LRRC19: variants seen among roughly 807,000 people sequenced by gnomAD.
LRRC19 encodes the protein leucine rich repeat containing 19, also known as leucine-rich repeat-containing protein 19.
A neutral mutation model predicts 33.3 loss-of-function variants in LRRC19; 33 were observed. That is an observed-to-expected ratio of 0.99 (90% CI 0.75 to 1.33). LRRC19 has a LOEUF of 1.33. Among genes scored for constraint, LRRC19 ranks in the 40% most tolerant of loss-of-function variants. The pLI is 0.00. For synonymous variants in LRRC19, 184 were observed against 152.3 expected, an observed-to-expected ratio of 1.21 and a Z score of -1.53; for missense variants, 463 against 417.3, an observed-to-expected ratio of 1.11 and a Z score of -0.95.
In LRRC19 at chr9:26,996,313, GAATT is replaced by G. The variant is rs753605365; in HGVS notation, c.778_781del (p.Asn260GlnfsTer21). On this transcript the variant is annotated frameshift_variant, in exon 4 of 5. Transcript: ENST00000380055. LOFTEE classifies it high-confidence loss of function. Reference sequence around the variant, plus strand: ...AATATATAGAACCAGTATATTACCTGAATTTCTTGTTAAGTTGTTCGAAGAGCTA... The same window carrying G: ...AATATATAGAACCAGTATATTACCTGTCTTGTTAAGTTGTTCGAAGAGCTA... 3 of 1,572,278 alleles carry G rather than the reference GAATT, an allele frequency of 1.9e-6. No homozygotes were observed. The East Asian group carries it at 6.8e-5, about 36-fold the overall frequency.
intron 1 of LRRC19, 102 bp downstream of exon 1, chr9:27,005,490 C>T (rs1458255778): frequency 1.3e-5 from 2 of 151,248 alleles, no homozygotes; most frequent in African/African-American, 4.9e-5. Context: ...TCTTATTTTT[C>T]ATCACTTCTT....
intron 1 of LRRC19, 33 bp from the exon 2 acceptor site, chr9:26,999,736 A>ATTTTTATT (rs1563962496): frequency 7.9e-7 from 1 of 1,260,764 alleles, no homozygotes; most frequent in East Asian, 2.6e-5. Context: ...CATTAAGGAC[A>ATTTTTATT]TTTTTATTTT....
Position 26,995,569 on chromosome 9 carries a change from A to G in LRRC19, c.1065T>C (p.Phe355=), listed in dbSNP as rs1436904713. 6 of 1,599,946 alleles carry G rather than the reference A, an allele frequency of 3.8e-6. No homozygotes were observed. Among genetic ancestry groups the G allele is most frequent in the South Asian group, 1.1e-5 (1 of 90,434 alleles). Residue 355 remains phenylalanine (F), a synonymous_variant, in exon 5 of 5, where the codon TTT becomes TTC. Transcript: ENST00000380055. ...GGATATCTATATATTTGTCTTCAAT[A>G]AATCCATCATCATCTACCACAAATG... ...LHSFVVDDDG[F]IEDKYIDIHE... is the part of the protein sequence containing the mutation.
chr9:27,001,174 T>A (rs1828463993), intron 1 of LRRC19, among the ~76,000 whole-genome samples: 1 of 152,180 alleles, frequency 6.6e-6, no homozygotes. Flanking sequence ...CCATTGTATA[T>A]ATATGCTACT....
Position 26,999,599 on chromosome 9 carries a change from A to G in LRRC19, c.81+15T>C. 6.5e-7 allele frequency: 1 copy of G among 1,534,592 alleles called. No homozygotes were observed. The highest frequency in any genetic ancestry group is 2.3e-5 in the East Asian group (1 of 44,422). On this transcript the variant is annotated intron_variant, in intron 2 of 4. Coordinates refer to ENST00000380055, the MANE Select transcript of LRRC19 (RefSeq NM_022901.3). ...CTTTGAAAATATTTTTACTATTTTG[A>G]TTGTAAAAACTTACTCTTTTAGAAG...
intron 2 of LRRC19, 30 bp from the exon 3 acceptor site, chr9:26,998,271 A>T: frequency 7.9e-7 from 1 of 1,269,342 alleles, no homozygotes; most frequent in Non-Finnish European, 1.1e-6. Flanking sequence ...AAAGGCATTA[A>T]TCAGAAAAAA....
chr9:26,996,495 A>C lies in LRRC19; in HGVS notation c.600T>G (p.Asn200Lys), dbSNP rs755764638. 11 of 1,431,506 alleles carry C rather than the reference A, an allele frequency of 7.7e-6. No homozygotes were observed. Among genetic ancestry groups the C allele is most frequent in the Admixed American group, 4.7e-5 (2 of 42,374 alleles). 88.7% of individuals were successfully genotyped at this position (1,431,506 alleles called of 1,614,324 possible). Residue 200 changes from asparagine (N) to lysine (K), a missense_variant, in exon 4 of 5, where the codon AAT becomes AAG. Coordinates refer to ENST00000380055, the MANE Select transcript of LRRC19 (RefSeq NM_022901.3). ...WLNTSNVTLE[N>K]ENITMCSYPN... The stretch of plus-strand genomic sequence containing the variant: ...GGTAGCTACACATGGTGATGTTCTC[A>C]TTTTCTAGTAAATCAGAAAGAATAA...
At chr9:27,003,816 A>ATCACTTAT in intron 1 of LRRC19, among the ~76,000 whole-genome samples, 1 of 152,342 alleles carries the variant, frequency 6.6e-6, no homozygotes, top group South Asian at 2.1e-4. Flanking sequence ...CATTTAAACT[A>ATCACTTAT]TCACTTATTC....
chr9:26,998,178 C>T lies in LRRC19; in HGVS notation c.145G>A (p.Val49Ile), dbSNP rs947170394. The T allele has an allele frequency of 7.6e-6, 12 of 1,574,230 alleles. No homozygotes were observed. The Admixed American group carries it at 9.0e-5, about 12-fold the overall frequency. ...TTATAACTGAGATCAAGTATAGTAA[C>T]ATCTTTCTTGATATCTGCTGGAATC... is the stretch of plus-strand genomic sequence containing the variant. ...TLIPADIKKD[V>I]TILDLSYNQI... Residue 49 changes from valine to isoleucine, a missense_variant, in exon 3 of 5, where the codon GTT becomes ATT. By Grantham distance (29) the Val-to-Ile change is conservative. Transcript: ENST00000380055.
At chr9:26,996,227 T>C (rs1828148487) in intron 4 of LRRC19, 84 bp downstream of exon 4, 1 of 850,384 alleles carries the variant, frequency 1.2e-6, no homozygotes, top group Admixed American at 3.2e-5. Context: ...ACATTTTTTA[T>C]ACAAATTTAA....
intron 4 of LRRC19, 114 bp from the exon 5 acceptor site, chr9:26,995,963 T>C: frequency 1.3e-6 from 1 of 780,236 alleles, no homozygotes; most frequent in Non-Finnish European, 1.9e-6. Flanking sequence ...AAACATACAT[T>C]GTAGTTTTCT....
intron 2 of LRRC19, among the ~76,000 whole-genome samples, chr9:26,998,793 G>T (rs1298039596): frequency 6.6e-6 from 1 of 150,978 alleles, no homozygotes; most frequent in South Asian, 2.1e-4. Context: ...AGACCAGCCT[G>T]TCCAACACAG....
At chr9:27,005,352 T>G (rs796536833) in intron 1 of LRRC19, among the ~76,000 whole-genome samples, 1 of 18,950 alleles carries the variant, frequency 5.3e-5, no homozygotes. Flanking sequence ...TGAAACCATT[T>G]CCCCCCCCGC....
At chr9:26,999,526 G>A in intron 2 of LRRC19, 88 bp downstream of exon 2, 2 of 957,844 alleles carry the variant, frequency 2.1e-6, no homozygotes, top group Non-Finnish European at 1.5e-6. Flanking sequence ...GATTTTCTTT[G>A]CTTTCTTATT....
intron 2 of LRRC19, 150 bp from the exon 3 acceptor site, chr9:26,998,391 T>A: frequency 2.1e-6 from 1 of 480,174 alleles, no homozygotes; most frequent in Non-Finnish European, 3.6e-6. Context: ...GTAGAGCAAA[T>A]CTTTTTCTTT....
chr9:26,995,882 G>A, intron 4 of LRRC19, 33 bp from the exon 5 acceptor site: 1 of 1,495,664 alleles, frequency 6.7e-7, no homozygotes, highest in African/African-American at 1.4e-5. Flanking sequence ...GAGAGAGAAA[G>A]AAAATTTGTT....
Position 26,995,421 on chromosome 9 carries a change from A to G in LRRC19, c.*100T>C. ...TTCATGTATGTTGTCATTAATATGA[A>G]TGCCTGCCAGCTGTATTTTGTTATG... On this transcript the variant is annotated 3_prime_UTR_variant, in exon 5 of 5. Coordinates refer to ENST00000380055, the MANE Select transcript of LRRC19 (RefSeq NM_022901.3). The G allele has an allele frequency of 1.5e-6, 1 of 675,102 alleles. No individual in the cohort carries two copies. The highest frequency in any genetic ancestry group is 2.5e-6 in the Non-Finnish European group (1 of 399,346). The allele number at this position is 675,102 out of a possible 1,614,324, so 41.8% of individuals were successfully genotyped here. A position where few individuals can be genotyped will look rare whatever the true frequency, so the allele number is the denominator to read the frequency against.
At chr9:27,005,325 A>C (rs1828710093) in intron 1 of LRRC19, among the ~76,000 whole-genome samples, 1 of 143,670 alleles carries the variant, frequency 7.0e-6, no homozygotes, top group Admixed American at 7.3e-5. Context: ...AAATTCTTAT[A>C]AATTTGATTG....
rs1828003718 is a variant in LRRC19 at position 26,993,860 on chromosome 9, C to T, written c.*1661G>A. On this transcript the variant is annotated 3_prime_UTR_variant, in exon 5 of 5. Coordinates refer to ENST00000380055, the MANE Select transcript of LRRC19 (RefSeq NM_022901.3). ...AGAAAATACCAGAAATATTATTTCA[C>T]CCATCAATATATTTCATTATTTCAG... is the stretch of plus-strand genomic sequence containing the variant. 6.6e-6 allele frequency: 1 copy of T among 152,060 alleles called. No individual in the cohort carries two copies. The highest frequency in any genetic ancestry group is 1.5e-5 in the Non-Finnish European group (1 of 68,024). The allele number at this position is 152,060 out of a possible 1,614,324, so 9.4% of individuals were successfully genotyped here.
Sources: gnomAD v4.1 joint callset for allele counts (sites outside exome capture counted in the v4.1 genomes callset) on GRCh38, gnomAD v4.1.1 for gene constraint, MANE v1.5 for transcripts, NCBI Gene and HGNC (gene_info 2026-07-23, HGNC 2026-07-21) for gene names.